The following PKD1 variants were observed in gnomAD, a reference collection of about 807,000 sequenced individuals.
PKD1 encodes the protein polycystin 1, transient receptor potential channel interacting.
Under a neutral mutation model 361.7 loss-of-function variants are expected in PKD1, and 81 were observed. That is an observed-to-expected ratio of 0.22 (90% CI 0.19 to 0.27). PKD1 has a LOEUF of 0.27. PKD1 is among the 10% of genes least tolerant of loss of function. The pLI is 1.00. For missense variants in PKD1, 6,399 were observed against 6,118.3 expected, an observed-to-expected ratio of 1.05 and a Z score of -1.53; for synonymous variants, 3,615 against 2,818.3, an observed-to-expected ratio of 1.28 and a Z score of -8.95.
rs1173257565 is a variant in PKD1, at chr16:2,093,660, G to C, written c.10900C>G (p.Pro3634Ala). Reference sequence around the variant, plus strand: ...CGTGCGCTCACAGGCGTCACAGCCGGGCTCTCTACCAGGGTGTCATCTTCA... The same window carrying C: ...CGTGCGCTCACAGGCGTCACAGCCGCGCTCTCTACCAGGGTGTCATCTTCA... Reference protein sequence around the residue: ...PDEDDTLVESPAVTPVSARVP... With the variant: ...PDEDDTLVESAAVTPVSARVP... The change falls in exon 37 of 46, where the codon CCG becomes GCG. Residue 3634 changes from proline to alanine, a missense_variant. Physicochemically the swap from Pro to Ala is conservative, Grantham distance 27. Transcript: ENST00000262304. 2 of 1,607,912 alleles carry C rather than the reference G, an allele frequency of 1.2e-6. No individual in the cohort carries two copies. Among genetic ancestry groups the C allele is most frequent in the Non-Finnish European group, 1.7e-6 (2 of 1,177,496 alleles).
In PKD1 at chr16:2,108,410, G is replaced by C. The variant is rs764716923; in HGVS notation, c.6757C>G (p.Pro2253Ala). 4 of 1,610,546 alleles carry C rather than the reference G, an allele frequency of 2.5e-6. No homozygotes were observed. The highest frequency in any genetic ancestry group is 2.5e-6 in the Non-Finnish European group (3 of 1,179,718). Residue 2253 changes from proline (P) to alanine (A), a missense_variant, in exon 15 of 46, where the codon CCC (proline) becomes GCC (alanine). Pro to Ala is a conservative substitution (Grantham distance 27). Coordinates refer to ENST00000262304, the MANE Select transcript of PKD1 (RefSeq NM_001009944.3). ...QSIQANVTVA[P>A]ERLVPIIEGG... ...TCAATGATGGGCACCAGGCGCTCGG[G>C]GGCCACCGTCACATTGGCCTGGATG...
intron 1 of PKD1, among the ~76,000 whole-genome samples, chr16:2,122,293 T>C (rs1411548561): frequency 6.6e-6 from 1 of 152,290 alleles, no homozygotes; most frequent in Non-Finnish European, 1.5e-5. Flanking sequence ...GGGGGTGCAG[T>C]TCCCTTCCCC....
chr16:2,102,719 C>T, intron 24 of PKD1, 86 bp from the exon 25 acceptor site: 11 of 1,606,184 alleles, frequency 6.8e-6, no homozygotes, highest in Non-Finnish European at 9.4e-6. Flanking sequence ...GGTCCAGTCC[C>T]CTCGCTGCCT....
rs1364214494 is a variant in PKD1, at chr16:2,119,330, C to T, written c.264G>A (p.Ala88=). The change falls in exon 2 of 46, where the codon GCG becomes GCA. Residue 88 remains alanine (A), a synonymous_variant. Transcript: ENST00000262304. ...ACAGCTCTGCCAGCGCCGAGAGGTTCGCCAGGAGCCCAACGTCCAGCGCCC... is the reference window on the plus strand; with the variant it reads ...ACAGCTCTGCCAGCGCCGAGAGGTTTGCCAGGAGCCCAACGTCCAGCGCCC... ...LLRALDVGLL[A]NLSALAELDI... 6.6e-6 allele frequency: 9 copies of T among 1,361,672 alleles called. No homozygotes were observed. Among genetic ancestry groups the T allele is most frequent in the South Asian group, 3.7e-5 (3 of 80,584 alleles). The allele number at this position is 1,361,672 out of a possible 1,614,324, so 84.3% of individuals were successfully genotyped here. A position where few individuals can be genotyped will look rare whatever the true frequency, so the allele number is the denominator to read the frequency against.
In PKD1 at chr16:2,106,558, T is replaced by C; in HGVS notation, c.7329A>G (p.Gly2443=). Residue 2443 remains glycine (G), a synonymous_variant, in exon 18 of 46, where the codon GGA becomes GGG. Transcript: ENST00000262304. This position sits in a 1 kb window ranked among gnomAD's most constrained non-coding sequence, Gnocchi z 6.5. ...LRRGVLRDGE[G]YTFTLTVLGR... is the part of the protein sequence containing the mutation. ...CCAGCACCGTGAGCGTGAAGGTGTATCCCTCGCCGTCCCGCAGCACGCCCC... is the reference window on the plus strand; with the variant it reads ...CCAGCACCGTGAGCGTGAAGGTGTACCCCTCGCCGTCCCGCAGCACGCCCC... 6.3e-7 allele frequency: 1 copy of C among 1,595,960 alleles called. No individual in the cohort carries two copies. The highest frequency in any genetic ancestry group is 8.5e-7 in the Non-Finnish European group (1 of 1,178,772).
chr16:2,123,316 G>C (rs1359010892), intron 1 of PKD1: 12 of 344,354 alleles, frequency 3.5e-5, no homozygotes, highest in Non-Finnish European at 6.3e-5. Flanking sequence ...CAGGAGCCAG[G>C]TGCAGTCCCC....
At chr16:2,124,360 G>A (rs1264392820) in intron 1 of PKD1, among the ~76,000 whole-genome samples, 3 of 152,246 alleles carry the variant, frequency 2.0e-5, no homozygotes, top group South Asian at 2.1e-4. Context: ...CCAGCCAGGC[G>A]CTGGCTCTCC....
rs144624467 is a variant in PKD1, at chr16:2,092,975, C to T, written c.11135G>A (p.Arg3712Gln). 31 of 1,612,862 alleles carry T rather than the reference C, an allele frequency of 1.9e-5. No individual in the cohort carries two copies. The African/African-American group carries it at 2.9e-4, about 15-fold the overall frequency. ...GTACCGCGTGATGGCCAGGAAGGCC[C>T]GGCTGTGCAGCTCCTGCTTGATGGC... ...QSAIKQELHSRAFLAITRSEE... is the reference protein window; with the variant it reads ...QSAIKQELHSQAFLAITRSEE... Residue 3712 changes from arginine (R) to glutamine (Q), a missense_variant, in exon 38 of 46, where the codon CGG becomes CAG. Transcript: ENST00000262304.
chr16:2,093,790 T>C, intron 36 of PKD1, 21 bp downstream of exon 36: 4 of 1,555,408 alleles, frequency 2.6e-6, no homozygotes, highest in Non-Finnish European at 3.5e-6. Flanking sequence ...GCCTGTAGCC[T>C]ACCCCTGGCA....
chr16:2,111,383 G>A lies in PKD1; in HGVS notation c.3784C>T (p.His1262Tyr). The A allele has an allele frequency of 1.2e-6, 2 of 1,611,368 alleles. No homozygotes were observed. Among genetic ancestry groups the A allele is most frequent in the South Asian group, 1.1e-5 (1 of 91,036 alleles). Residue 1262 changes from histidine (H) to tyrosine (Y), a missense_variant, in exon 15 of 46, where the codon CAT (histidine) becomes TAT (tyrosine). Physicochemically the swap from His to Tyr is moderately conservative, Grantham distance 83. Coordinates refer to ENST00000262304, the MANE Select transcript of PKD1 (RefSeq NM_001009944.3). ...CAGTTCTGTGCCCGCAGGTACACAT[G>A]CTCCACTGTTGCCTCCGGGCCCGAC... ...VLSGPEATVE[H>Y]VYLRAQNCTV... is the part of the protein sequence containing the mutation.
At position 2,116,541 on chromosome 16, in the gene PKD1, G is replaced by A. The variant is rs367983387; in HGVS notation, c.1710C>T (p.His570=). The change falls in exon 8 of 46, where the codon CAC becomes CAT. Residue 570 remains histidine (H), a synonymous_variant. Transcript: ENST00000262304. ...LAQQDGLSAP[H]EPVEVMVFPG... is the part of the protein sequence containing the mutation. The stretch of plus-strand genomic sequence containing the variant: ...GGGGGCCGACTACCTCCACGGGCTC[G>A]TGCGGGGCTGAGAGGCCGTCCTGCT... The A allele has an allele frequency of 6.4e-3, 9,838 of 1,540,920 alleles. 44 individuals carry two copies. The highest frequency in any genetic ancestry group is 6.9e-3 in the Non-Finnish European group (7,915 of 1,140,260).
chr16:2,132,903 G>C (rs1460417983), intron 1 of PKD1, among the ~76,000 whole-genome samples: 1 of 150,322 alleles, frequency 6.7e-6, no homozygotes, highest in African/African-American at 2.5e-5. Flanking sequence ...CCAATATGGA[G>C]AAACCCTGTC....
Position 2,114,505 on chromosome 16 carries a change from T to C in PKD1, c.2518A>G (p.Thr840Ala), listed in dbSNP as rs776072973. Reference sequence around the variant, plus strand: ...TGGAGCACCAAGGCTGAGCCGTTGGTGGGCACGTAGAGGCGGCCGTCGCGG... The same window carrying C: ...TGGAGCACCAAGGCTGAGCCGTTGGCGGGCACGTAGAGGCGGCCGTCGCGG... ...APRDGRLYVP[T>A]NGSALVLQVD... The change falls in exon 11 of 46, where the codon ACC becomes GCC. Residue 840 changes from threonine (T) to alanine (A), a missense_variant. By Grantham distance (58) the Thr-to-Ala change is moderately conservative. Transcript: ENST00000262304. 1.9e-6 allele frequency: 3 copies of C among 1,595,968 alleles called. No homozygotes were observed. The highest frequency in any genetic ancestry group is 2.2e-5 in the South Asian group (2 of 90,918).
At position 2,102,458 on chromosome 16, in the gene PKD1, C is replaced by T. The variant is rs966307189; in HGVS notation, c.9124G>A (p.Val3042Ile). Reference sequence around the variant, plus strand: ...GCGGTGAGGTGGCGGGTGAGGCAGACGGCCTGGCGGGGCGAGGTCTCCTCC... The same window carrying T: ...GCGGTGAGGTGGCGGGTGAGGCAGATGGCCTGGCGGGGCGAGGTCTCCTCC... ...PLEETSPRQA[V>I]CLTRHLTAFG... The change falls in exon 25 of 46, where the codon GTC (valine) becomes ATC (isoleucine). Residue 3042 changes from valine (V) to isoleucine (I), a missense_variant. Physicochemically the swap from Val to Ile is conservative, Grantham distance 29. Transcript: ENST00000262304. 1.3e-4 allele frequency: 198 copies of T among 1,553,654 alleles called. No individual in the cohort carries two copies. The highest frequency in any genetic ancestry group is 1.6e-4 in the Non-Finnish European group (186 of 1,150,346).
In PKD1 at chr16:2,091,719, A is replaced by G. The variant is rs1179234212; in HGVS notation, c.11537+62T>C. On this transcript the variant is annotated intron_variant, in intron 41 of 45. Coordinates refer to ENST00000262304, the MANE Select transcript of PKD1 (RefSeq NM_001009944.3). ...TAGGCCAGCGGGGGCCGGAGGAGTGAGGGTGGGCTCCTGGCTGGTGACTGC... is the reference window on the plus strand; with the variant it reads ...TAGGCCAGCGGGGGCCGGAGGAGTGGGGGTGGGCTCCTGGCTGGTGACTGC... 4 of 1,593,876 alleles carry G rather than the reference A, an allele frequency of 2.5e-6. No homozygotes were observed. The East Asian group carries it at 9.0e-5, about 36-fold the overall frequency.
At position 2,092,441 on chromosome 16, in the gene PKD1, G is replaced by C. The variant is rs781643391; in HGVS notation, c.11269+39C>G. The C allele has an allele frequency of 7.3e-6, 10 of 1,370,908 alleles. No homozygotes were observed. In the South Asian group the frequency reaches 1.1e-4, roughly 14 times the overall value. 84.9% of individuals were successfully genotyped at this position (1,370,908 alleles called of 1,614,324 possible). Reference sequence around the variant, plus strand: ...GCTAAAGGCTGCTCTCTCAACAAGAGGAACGATTTAAGTCTTGGGGCACGC... The same window carrying C: ...GCTAAAGGCTGCTCTCTCAACAAGACGAACGATTTAAGTCTTGGGGCACGC... On this transcript the variant is annotated intron_variant, in intron 39 of 45. Coordinates refer to ENST00000262304, the MANE Select transcript of PKD1 (RefSeq NM_001009944.3).
intron 34 of PKD1, among the ~76,000 whole-genome samples, chr16:2,094,422 G>A (rs541733038): frequency 4.6e-5 from 7 of 152,282 alleles, no homozygotes; most frequent in Non-Finnish European, 8.8e-5. Context: ...TCAGGCGTCC[G>A]CCTGCGTCCC....
In PKD1 at chr16:2,092,109, A is replaced by C. The variant is rs754048939; in HGVS notation, c.11349T>G (p.Val3783=). Residue 3783 remains valine, a synonymous_variant, in exon 40 of 46, where the codon GTT becomes GTG. Coordinates refer to ENST00000262304, the MANE Select transcript of PKD1 (RefSeq NM_001009944.3). ...AGCCATTGTGAGGACTCTCCCAGCC[A>C]ACGTCGTAATCGCTGGTGCTGAAGC... ...AGGFSTSDYD[V]GWESPHNGSG... 6.2e-7 allele frequency: 1 copy of C among 1,612,868 alleles called. No individual in the cohort carries two copies. Among genetic ancestry groups the C allele is most frequent in the South Asian group, 1.1e-5 (1 of 91,084 alleles).
Position 2,109,927 on chromosome 16 carries a change from C to A in PKD1, c.5240G>T (p.Gly1747Val). Residue 1747 changes from glycine to valine, a missense_variant, in exon 15 of 46, where the codon GGT (glycine) becomes GTT (valine). Coordinates refer to ENST00000262304, the MANE Select transcript of PKD1 (RefSeq NM_001009944.3). ...TLSAELAGGS[G>V]VVYTWSLEEG... ...CTCCAAGGACCAAGTGTATACGACACCACTGCCACCAGCCAGCTCGGCACT... is the reference window on the plus strand; with the variant it reads ...CTCCAAGGACCAAGTGTATACGACAACACTGCCACCAGCCAGCTCGGCACT... 1 of 1,610,458 alleles carries A rather than the reference C, an allele frequency of 6.2e-7. No homozygotes were observed. The highest frequency in any genetic ancestry group is 8.5e-7 in the Non-Finnish European group (1 of 1,179,672).
Sources: allele counts gnomAD v4.1 joint callset (sites outside exome capture counted in the v4.1 genomes callset), GRCh38; gene constraint gnomAD v4.1.1; non-coding constraint Gnocchi (gnomAD v3.1); transcripts MANE v1.5; gene names NCBI Gene and HGNC (gene_info 2026-07-23, HGNC 2026-07-21).